KCNK10: variants seen among roughly 807,000 people sequenced by gnomAD.
The protein encoded by KCNK10 is potassium channel subfamily K member 10.
A neutral mutation model predicts 47.7 loss-of-function variants in KCNK10; 25 were observed. The ratio of observed to expected loss-of-function variants is 0.52; its 90% CI spans 0.38 to 0.73. The LOEUF is 0.73. Ranked by LOEUF, KCNK10 falls within the 30% of genes least tolerant of loss-of-function variation. The probability of loss-of-function intolerance (pLI) is 0.00; values close to 1 mark genes in which losing one functional copy is unlikely to be tolerated. For missense variants in KCNK10, 563 were observed against 714.5 expected (o/e 0.79, Z 2.42); for synonymous variants, 303 against 285.6 (o/e 1.06, Z -0.61).
At chr14:88,283,031 G>A (rs1887684517) in intron 1 of KCNK10, among the ~76,000 whole-genome samples, 1 of 152,200 alleles carries the variant, frequency 6.6e-6, no homozygotes, top group South Asian at 2.1e-4. Flanking sequence ...AAATGTCCTT[G>A]CACCAGAAAA....
chr14:88,274,639 C>T (rs987099061), intron 1 of KCNK10, among the ~76,000 whole-genome samples: 2 of 150,814 alleles, frequency 1.3e-5, no homozygotes, highest in African/African-American at 4.9e-5. Context: ...TTCGCTGTGT[C>T]CCACCCAATA....
chr14:88,246,156 G>C (rs908723995), intron 2 of KCNK10, among the ~76,000 whole-genome samples: 1 of 151,832 alleles, frequency 6.6e-6, no homozygotes, highest in Admixed American at 6.6e-5. Context: ...CCAGCTACTC[G>C]GGAGGCTGAG....
chr14:88,184,265 G>C lies in KCNK10; in HGVS notation c.*1270C>G, dbSNP rs1884466599. 1.3e-5 allele frequency: 2 copies of C among 152,332 alleles called. No homozygotes were observed. The highest frequency in any genetic ancestry group is 4.8e-5 in the African/African-American group (2 of 41,452). 9.4% of individuals were successfully genotyped at this position (152,332 alleles called of 1,614,324 possible). ...GTTCCAGTTTTAGTGAGTAACCGAT[G>C]TGAGATGTAGAAACAAGCAAGGAGC... is the stretch of plus-strand genomic sequence containing the variant. On this transcript the variant is annotated 3_prime_UTR_variant, in exon 7 of 7. Transcript: ENST00000319231.
At chr14:88,212,212 G>A (rs1285848534) in intron 4 of KCNK10, among the ~76,000 whole-genome samples, 10 of 151,502 alleles carry the variant, frequency 6.6e-5, no homozygotes, top group South Asian at 2.1e-4. Flanking sequence ...AGGCCAAGGC[G>A]GGCAGATCAC....
At chr14:88,273,359 T>C (rs922629838) in intron 1 of KCNK10, among the ~76,000 whole-genome samples, 2 of 152,206 alleles carry the variant, frequency 1.3e-5, no homozygotes, top group Non-Finnish European at 2.9e-5. Context: ...GTGTGCCTGA[T>C]GACTTCAGTA....
intron 6 of KCNK10, among the ~76,000 whole-genome samples, chr14:88,187,632 CACA>C (rs765780624): frequency 0.073 from 10,931 of 150,516 alleles, 706 homozygotes; most frequent in East Asian, 0.23. Flanking sequence ...TGCACCCCCC[CACA>C]CACACACTCA....
intron 4 of KCNK10, among the ~76,000 whole-genome samples, chr14:88,205,542 C>CTTTTTTTTTTTTTTTTTTTTT (rs200265659): frequency 8.6e-6 from 1 of 115,780 alleles, no homozygotes; most frequent in Non-Finnish European, 1.7e-5. Flanking sequence ...CTTTTCTTTT[C>CTTTTTTTTTTTTTTTTTTTTT]TTTTTTTTTT....
chr14:88,313,219 T>C (rs1888361688), intron 1 of KCNK10, among the ~76,000 whole-genome samples: 1 of 152,244 alleles, frequency 6.6e-6, no homozygotes, highest in African/African-American at 2.4e-5. Context: ...TATGAGATAA[T>C]AACTACAAAG....
chr14:88,235,469 C>A, intron 3 of KCNK10: 1 of 242,034 alleles, frequency 4.1e-6, no homozygotes, highest in Non-Finnish European at 8.5e-6. Flanking sequence ...ACAGAGAAGC[C>A]AAAAAGTAGA....
At chr14:88,288,113 A>G (rs997518309) in intron 1 of KCNK10, among the ~76,000 whole-genome samples, 3 of 151,916 alleles carry the variant, frequency 2.0e-5, no homozygotes, top group Non-Finnish European at 4.4e-5. Context: ...GCATTTTTTC[A>G]TATGTTTGTT....
chr14:88,302,300 C>A (rs1888117539), intron 1 of KCNK10, among the ~76,000 whole-genome samples: 1 of 152,284 alleles, frequency 6.6e-6, no homozygotes, highest in African/African-American at 2.4e-5. Context: ...TCAGGAGAAC[C>A]TACAGATCCT....
rs377446512 is a variant in KCNK10, at chr14:88,322,772, T to A, written c.27A>T (p.Arg9Ser). The A allele has an allele frequency of 6.2e-7, 1 of 1,614,172 alleles. No individual in the cohort carries two copies. Among genetic ancestry groups the A allele is most frequent in the Non-Finnish European group, 8.5e-7 (1 of 1,180,024 alleles). MKFPIETP[R>S]KQVNWDPKVA... ...CTTTAGGATCCCAGTTCACCTGTTT[T>A]CTTGGCGTCTCGATTGGAAATTTCA... is the stretch of plus-strand genomic sequence containing the variant. Residue 9 changes from arginine (R) to serine (S), a missense_variant, in exon 1 of 7, where the codon AGA becomes AGT. Transcript: ENST00000319231. The surrounding 1 kb of genome is among the most constrained non-coding windows in gnomAD (Gnocchi z 4.8).
At chr14:88,222,125 G>T (rs1050377710) in intron 4 of KCNK10, among the ~76,000 whole-genome samples, 4 of 152,146 alleles carry the variant, frequency 2.6e-5, no homozygotes, top group African/African-American at 9.7e-5. Flanking sequence ...TTACATGGTG[G>T]CAGCAAGAGA....
chr14:88,254,150 G>A (rs1886879442), intron 2 of KCNK10, among the ~76,000 whole-genome samples: 1 of 152,128 alleles, frequency 6.6e-6, no homozygotes, highest in South Asian at 2.1e-4. Flanking sequence ...TGACCATTTT[G>A]CATTGGAGAG....
intron 1 of KCNK10, among the ~76,000 whole-genome samples, chr14:88,291,108 C>G (rs1251521618): frequency 1.3e-5 from 2 of 152,180 alleles, no homozygotes; most frequent in Non-Finnish European, 2.9e-5. Context: ...ATGAAGAAGC[C>G]AAACACTGCA....
intron 2 of KCNK10, among the ~76,000 whole-genome samples, chr14:88,249,215 C>T (rs1886727408): frequency 6.6e-6 from 1 of 152,238 alleles, no homozygotes; most frequent in Non-Finnish European, 1.5e-5. Flanking sequence ...GCTGCACCAG[C>T]AGGCTTTTCA....
At chr14:88,227,930 C>G (rs1457609908) in intron 3 of KCNK10, among the ~76,000 whole-genome samples, 1 of 152,202 alleles carries the variant, frequency 6.6e-6, no homozygotes, top group Non-Finnish European at 1.5e-5. Flanking sequence ...TTTTCACAGT[C>G]TTACCCATGG....
rs1884574234 is a variant in KCNK10, at chr14:88,186,719, C to A, written c.1012-564G>T. Among the ~76,000 whole-genome samples, 1 of 152,182 alleles carries A rather than the reference C, an allele frequency of 6.6e-6. No homozygotes were observed. The highest frequency in any genetic ancestry group is 2.1e-4 in the South Asian group (1 of 4,838). On this transcript the variant is annotated intron_variant, in intron 6 of 6. Coordinates refer to ENST00000319231, the MANE Select transcript of KCNK10 (RefSeq NM_138317.3). The surrounding 1 kb of genome is among the most constrained non-coding windows in gnomAD (Gnocchi z 5.5). ...CAGAGTCCTGTGTCCTAGGAACTCC[C>A]TCAGTCCTGGGAAAACTGGGATGGG...
chr14:88,184,089 C>T lies in KCNK10; in HGVS notation c.*1446G>A, dbSNP rs1884459094. 6.6e-6 allele frequency: 1 copy of T among 152,296 alleles called. No homozygotes were observed. The highest frequency in any genetic ancestry group is 1.5e-5 in the Non-Finnish European group (1 of 68,038). The allele number at this position is 152,296 out of a possible 1,614,324, so 9.4% of individuals were successfully genotyped here. ...AGGCATACACAGGAGTATGTATTTT[C>T]CCCTTTCTGATACAAACCCATTTAA... On this transcript the variant is annotated 3_prime_UTR_variant, in exon 7 of 7. Coordinates refer to ENST00000319231, the MANE Select transcript of KCNK10 (RefSeq NM_138317.3).
Sources: allele counts gnomAD v4.1 joint callset (sites outside exome capture counted in the v4.1 genomes callset), GRCh38; gene constraint gnomAD v4.1.1; non-coding constraint Gnocchi (gnomAD v3.1); transcripts MANE v1.5; gene names NCBI Gene and HGNC (gene_info 2026-07-23, HGNC 2026-07-21).